DNTT: variants seen among roughly 807,000 people sequenced by gnomAD.
DNTT encodes DNA nucleotidylexotransferase.
A neutral mutation model predicts 60.9 loss-of-function variants in DNTT; 47 were observed. The ratio of observed to expected loss-of-function variants is 0.77; its 90% CI spans 0.61 to 0.98. The LOEUF (loss-of-function observed/expected upper bound fraction) is 0.98. Ranked by LOEUF, DNTT falls within the 50% of genes least tolerant of loss-of-function variation. DNTT has a pLI of 0.00. For synonymous variants in DNTT, 224 were observed against 221.2 expected, an observed-to-expected ratio of 1.01 and a Z score of -0.11; for missense variants, 665 against 627.5, an observed-to-expected ratio of 1.06 and a Z score of -0.64.
chr10:96,332,366 T>C lies in DNTT; in HGVS notation c.1129T>C (p.Tyr377His), dbSNP rs1208559092. The C allele has an allele frequency of 6.2e-7, 1 of 1,614,058 alleles. No individual in the cohort carries two copies. The change falls in exon 9 of 11, where the codon TAT (tyrosine) becomes CAT (histidine). Residue 377 changes from tyrosine (Y) to histidine (H), a missense_variant. Coordinates refer to ENST00000371174, the MANE Select transcript of DNTT (RefSeq NM_004088.4). ...LWEKKGLLLY[Y>H]DLVESTFEKL... ...TTCTTTTCAGGGATTACTTTTATAT[T>C]ATGACCTTGTGGAGTCAACATTTGA...
At chr10:96,306,717 G>A (rs977162590) in intron 1 of DNTT, 6 of 152,204 alleles carry the variant, frequency 3.9e-5, no homozygotes, top group African/African-American at 9.7e-5. Context: ...CTCAGGCGGC[G>A]GAGGAAGCTC....
chr10:96,310,856 C>T (rs1256358769), intron 1 of DNTT, among the ~76,000 whole-genome samples: 5 of 152,144 alleles, frequency 3.3e-5, no homozygotes, highest in Admixed American at 6.5e-5. Flanking sequence ...TTCTGCAATG[C>T]ATGAGTATTA....
At chr10:96,336,296 TC>T (rs1845068409) in intron 10 of DNTT, among the ~76,000 whole-genome samples, 1 of 152,132 alleles carries the variant, frequency 6.6e-6, no homozygotes, top group Non-Finnish European at 1.5e-5. Flanking sequence ...AAACCAGGGA[TC>T]CCCAGAAATC....
chr10:96,318,724 T>G (rs1362308058), intron 2 of DNTT, among the ~76,000 whole-genome samples, 198 bp downstream of exon 2: 1 of 152,204 alleles, frequency 6.6e-6, no homozygotes, highest in Admixed American at 6.6e-5. Context: ...CACAAAATGG[T>G]CATGAAGATT....
At chr10:96,321,506 C>T (rs1449469962) in intron 4 of DNTT, among the ~76,000 whole-genome samples, 1 of 152,116 alleles carries the variant, frequency 6.6e-6, no homozygotes, top group Non-Finnish European at 1.5e-5. Flanking sequence ...CATAATCTGC[C>T]ATTTTGTCTC....
chr10:96,328,921 C>A, intron 8 of DNTT, 91 bp downstream of exon 8: 3 of 1,228,130 alleles, frequency 2.4e-6, no homozygotes, highest in South Asian at 1.4e-5. Flanking sequence ...TGTGTAATGA[C>A]CATCTAATCA....
intron 1 of DNTT, among the ~76,000 whole-genome samples, chr10:96,309,632 T>G (rs2133983025): frequency 6.6e-6 from 1 of 152,282 alleles, no homozygotes; most frequent in Admixed American, 6.5e-5. Context: ...AACCATCGCC[T>G]CCAAAAGTCC....
At chr10:96,320,204 A>T (rs911118260) in intron 3 of DNTT, among the ~76,000 whole-genome samples, 1 of 152,228 alleles carries the variant, frequency 6.6e-6, no homozygotes, top group Non-Finnish European at 1.5e-5. Flanking sequence ...GACTACACTC[A>T]TTCATTCAAC....
intron 6 of DNTT, among the ~76,000 whole-genome samples, chr10:96,326,943 T>C (rs1844944331): frequency 6.6e-6 from 1 of 152,206 alleles, no homozygotes; most frequent in African/African-American, 2.4e-5. Flanking sequence ...CTTTTCATCA[T>C]AACAACTCTG....
chr10:96,330,755 G>A (rs957507101), intron 8 of DNTT, among the ~76,000 whole-genome samples: 5 of 152,164 alleles, frequency 3.3e-5, no homozygotes, highest in Admixed American at 1.3e-4. Context: ...TCCCTGGTCC[G>A]GGAACACCAG....
In DNTT at chr10:96,332,480, G is replaced by T. The variant is rs770331984; in HGVS notation, c.1243G>T (p.Asp415Tyr). The change falls in exon 9 of 11, where the codon GAC becomes TAC. Residue 415 changes from aspartate (D) to tyrosine (Y), a missense_variant. Coordinates refer to ENST00000371174, the MANE Select transcript of DNTT (RefSeq NM_004088.4). ...TTTCAAATTGCCTCGTCAAAGAGTG[G>T]ACAGTGACCAGTCCAGCTGGCAGGA... Reference protein sequence around the residue: ...LIFKLPRQRVDSDQSSWQEGK... With the variant: ...LIFKLPRQRVYSDQSSWQEGK... 6.2e-7 allele frequency: 1 copy of T among 1,614,174 alleles called. No individual in the cohort carries two copies. Among genetic ancestry groups the T allele is most frequent in the Non-Finnish European group, 8.5e-7 (1 of 1,180,014 alleles).
chr10:96,325,565 A>G (rs1250046797), intron 6 of DNTT, among the ~76,000 whole-genome samples: 2 of 152,234 alleles, frequency 1.3e-5, no homozygotes. Flanking sequence ...CCAATTCCCT[A>G]GCTTTGTAAA....
chr10:96,325,568 T>G (rs1844929925), intron 6 of DNTT, among the ~76,000 whole-genome samples: 1 of 152,230 alleles, frequency 6.6e-6, no homozygotes, highest in Non-Finnish European at 1.5e-5. Flanking sequence ...ATTCCCTAGC[T>G]TTGTAAACTG....
At chr10:96,313,833 G>A (rs1019863233) in intron 1 of DNTT, among the ~76,000 whole-genome samples, 3 of 152,204 alleles carry the variant, frequency 2.0e-5, no homozygotes, top group African/African-American at 7.2e-5. Context: ...AATCCTAGGT[G>A]GAGAGATGGT....
At chr10:96,306,092 A>ATTTT (rs66877330) in intron 1 of DNTT, among the ~76,000 whole-genome samples, 2,644 of 131,406 alleles carry the variant, frequency 0.02, 91 homozygotes, top group African/African-American at 0.066. Flanking sequence ...AAAAAAATAG[A>ATTTT]TTTTTTTTTT....
chr10:96,305,591 A>G (rs1462505730), intron 1 of DNTT, among the ~76,000 whole-genome samples: 1 of 152,216 alleles, frequency 6.6e-6, no homozygotes, highest in African/African-American at 2.4e-5. Context: ...GACCGCTTTG[A>G]CTGTGCAAGA....
In DNTT at chr10:96,322,535, C is replaced by A. The variant is rs80010675; in HGVS notation, c.679-122C>A. 2.4e-3 allele frequency: 1,395 copies of A among 590,308 alleles called. 11 individuals are homozygous for A. The African/African-American group carries it at 0.025, about 11-fold the overall frequency. 36.6% of individuals were successfully genotyped at this position (590,308 alleles called of 1,614,324 possible). ...TTTCTCCAGATCAATTAGGGAAATA[C>A]CCCTGCATGTGATGCATGCACATTT... is the stretch of plus-strand genomic sequence containing the variant. On this transcript the variant is annotated intron_variant, in intron 4 of 10. Coordinates refer to ENST00000371174, the MANE Select transcript of DNTT (RefSeq NM_004088.4).
chr10:96,307,734 A>C (rs10882769), intron 1 of DNTT, among the ~76,000 whole-genome samples: 3 of 72,580 alleles, frequency 4.1e-5, no homozygotes, highest in East Asian at 3.8e-4. Flanking sequence ...TATATATATA[A>C]GCATATATAT....
chr10:96,308,301 C>T (rs780837363), intron 1 of DNTT, among the ~76,000 whole-genome samples: 1 of 152,154 alleles, frequency 6.6e-6, no homozygotes, highest in Non-Finnish European at 1.5e-5. Flanking sequence ...AACATTTATG[C>T]TATATTGCAA....
Sources: allele counts gnomAD v4.1 joint callset (sites outside exome capture counted in the v4.1 genomes callset), GRCh38; gene constraint gnomAD v4.1.1; transcripts MANE v1.5; gene names NCBI Gene and HGNC (gene_info 2026-07-23, HGNC 2026-07-21).